The following CSMD3 variants were observed in gnomAD, a reference collection of about 807,000 sequenced individuals.
CSMD3 encodes CUB and Sushi multiple domains 3.
CSMD3 carries 177 observed loss-of-function variants against 435.2 expected under a neutral mutation model. The ratio of observed to expected loss-of-function variants is 0.41; its 90% CI spans 0.36 to 0.46. The LOEUF is 0.46. Among genes scored for constraint, CSMD3 ranks in the 20% least tolerant of loss-of-function variants. CSMD3 has a pLI of 0.34. For missense variants in CSMD3, 4,265 were observed against 4,504.6 expected (o/e 0.95, Z 1.52); for synonymous variants, 1,656 against 1,520.5 (o/e 1.09, Z -2.07).
intron 7 of CSMD3, 96 bp downstream of exon 7, chr8:112,975,741 C>G (rs961785791): frequency 6.3e-7 from 1 of 1,586,080 alleles, no homozygotes; most frequent in East Asian, 2.2e-5. Flanking sequence ...CTTTCTATAT[C>G]TTGGCTCTCT....
intron 12 of CSMD3, among the ~76,000 whole-genome samples, chr8:112,815,328 A>C (rs1447569892): frequency 6.6e-6 from 1 of 152,208 alleles, no homozygotes; most frequent in Non-Finnish European, 1.5e-5. Context: ...ATTCAAAAGC[A>C]TAATAAGGTA....
At chr8:112,375,191 A>T (rs1828827363) in intron 38 of CSMD3, among the ~76,000 whole-genome samples, 1 of 152,150 alleles carries the variant, frequency 6.6e-6, no homozygotes, top group African/African-American at 2.4e-5. Flanking sequence ...AGAAATAACA[A>T]GTTGTAACTT....
At chr8:112,474,784 A>G (rs1818876961) in intron 31 of CSMD3, among the ~76,000 whole-genome samples, 1 of 152,228 alleles carries the variant, frequency 6.6e-6, no homozygotes, top group Admixed American at 6.5e-5. Flanking sequence ...AAACACACAC[A>G]ACACAAACAG....
intron 61 of CSMD3, among the ~76,000 whole-genome samples, chr8:112,258,041 T>C (rs561138888): frequency 2.0e-5 from 3 of 152,210 alleles, no homozygotes; most frequent in Non-Finnish European, 4.4e-5. Flanking sequence ...AAGGATTCGC[T>C]ATTTAATAAA....
At chr8:112,429,106 G>A (rs1813391560) in intron 32 of CSMD3, among the ~76,000 whole-genome samples, 1 of 151,898 alleles carries the variant, frequency 6.6e-6, no homozygotes, top group Admixed American at 6.6e-5. Flanking sequence ...TTTAACTATA[G>A]TCACCATGCT....
intron 12 of CSMD3, among the ~76,000 whole-genome samples, chr8:112,809,661 G>C (rs953051548): frequency 2.0e-5 from 3 of 151,994 alleles, no homozygotes; most frequent in African/African-American, 2.4e-5. Flanking sequence ...CAAACAGCTA[G>C]GAATTGGACT....
intron 59 of CSMD3, among the ~76,000 whole-genome samples, chr8:112,275,170 A>T (rs6992196): frequency 0.25 from 26,734 of 106,368 alleles, 2,871 homozygotes; most frequent in Middle Eastern, 0.43. Flanking sequence ...TAACCACAAT[A>T]AAAAAAAAAG....
chr8:113,288,564 A>G (rs1408451764), intron 2 of CSMD3, among the ~76,000 whole-genome samples: 1 of 151,832 alleles, frequency 6.6e-6, no homozygotes, highest in Non-Finnish European at 1.5e-5. Context: ...CATGACTGTA[A>G]TTCCAAAGGC....
At chr8:112,908,704 C>A (rs2082327699) in intron 10 of CSMD3, among the ~76,000 whole-genome samples, 2 of 151,258 alleles carry the variant, frequency 1.3e-5, no homozygotes, top group African/African-American at 2.4e-5. Context: ...ATTCATAGCC[C>A]AGAATAAATG....
chr8:113,143,872 G>A (rs1420646127), intron 4 of CSMD3, among the ~76,000 whole-genome samples: 3 of 151,290 alleles, frequency 2.0e-5, no homozygotes, highest in African/African-American at 7.2e-5. Flanking sequence ...TCTGTATCTT[G>A]ATTATGTAAA....
At chr8:112,557,892 C>T (rs563720170) in intron 24 of CSMD3, among the ~76,000 whole-genome samples, 23 of 151,892 alleles carry the variant, frequency 1.5e-4, no homozygotes, top group Admixed American at 1.3e-3. Context: ...ATTTATAGCT[C>T]GTCAGTCAGA....
At chr8:113,171,031 T>C (rs1266409524) in intron 4 of CSMD3, among the ~76,000 whole-genome samples, 2 of 151,518 alleles carry the variant, frequency 1.3e-5, no homozygotes, top group South Asian at 2.1e-4. Flanking sequence ...AATAGAAGCA[T>C]TGGTTTTAGG....
chr8:113,066,808 G>GA (rs138463856), intron 5 of CSMD3, among the ~76,000 whole-genome samples: 14,252 of 151,572 alleles, frequency 0.094, 869 homozygotes, highest in Middle Eastern at 0.16. Context: ...AGTAGAGCTA[G>GA]AAAAAAAACA....
intron 54 of CSMD3, among the ~76,000 whole-genome samples, chr8:112,294,386 T>C (rs1820062911): frequency 6.6e-6 from 1 of 152,104 alleles, no homozygotes. Flanking sequence ...AATTACAACA[T>C]ATTTACAGTA....
chr8:113,132,140 C>T (rs1409555226), intron 4 of CSMD3, among the ~76,000 whole-genome samples: 2 of 152,140 alleles, frequency 1.3e-5, no homozygotes, highest in Non-Finnish European at 2.9e-5. Context: ...AAGTAACAAA[C>T]TTGCTTTTGA....
At chr8:112,922,056 T>G (rs1979305) in intron 9 of CSMD3, among the ~76,000 whole-genome samples, 8 of 152,038 alleles carry the variant, frequency 5.3e-5, no homozygotes, top group Non-Finnish European at 1.0e-4. Context: ...TGTGTTCATA[T>G]CATATTACGG....
chr8:113,068,533 T>C (rs1412501549), intron 5 of CSMD3, among the ~76,000 whole-genome samples: 1 of 152,110 alleles, frequency 6.6e-6, no homozygotes, highest in East Asian at 1.9e-4. Context: ...ACCTAGCCCT[T>C]AGGACTGTGC....
chr8:112,517,196 C>T lies in CSMD3; in HGVS notation c.4594G>A (p.Gly1532Arg), dbSNP rs2130989946. 1 of 1,613,656 alleles carries T rather than the reference C, an allele frequency of 6.2e-7. No individual in the cohort carries two copies. The change falls in exon 28 of 71, where the codon GGG becomes AGG. Residue 1532 changes from glycine (G) to arginine (R), a missense_variant. Gly to Arg is a moderately radical substitution (Grantham distance 125, BLOSUM62 -2). Around this residue, in one of 3 missense-constraint regions of CSMD3, gnomAD observed 3,255 missense variants for 3,380.2 expected, o/e 0.96. Coordinates refer to ENST00000297405, the MANE Select transcript of CSMD3 (RefSeq NM_198123.2). ...SSVATACRDP[G>R]VPMNGTRNGD... ...TTTCGAGTCCCATTCATGGGGACCC[C>T]TGGGTCACGACACGCAGTGGCAACA...
At chr8:112,393,050 A>G (rs183541108) in intron 35 of CSMD3, among the ~76,000 whole-genome samples, 68 of 151,882 alleles carry the variant, frequency 4.5e-4, no homozygotes, top group Non-Finnish European at 8.4e-4. Context: ...ACAGATATTC[A>G]GCTAATTTTT....
Sources: allele counts gnomAD v4.1 joint callset (sites outside exome capture counted in the v4.1 genomes callset), GRCh38; gene constraint gnomAD v4.1.1; regional missense constraint gnomAD v4.1.1; transcripts MANE v1.5; gene names NCBI Gene and HGNC (gene_info 2026-07-23, HGNC 2026-07-21).